Variants in ZNF385D observed in about 807,000 individuals in gnomAD.
ZNF385D encodes the protein zinc finger protein 385D, also known as zinc finger protein 659.
Under a neutral mutation model 35.8 loss-of-function variants are expected in ZNF385D, and 15 were observed. The ratio of observed to expected loss-of-function variants is 0.42; its 90% confidence interval spans 0.28 to 0.64. ZNF385D has a LOEUF of 0.64. Among genes scored for constraint, ZNF385D ranks in the 30% least tolerant of loss-of-function variants. The probability of loss-of-function intolerance (pLI) is 0.23; values close to 1 mark genes in which losing one functional copy is unlikely to be tolerated. For synonymous variants in ZNF385D, 212 were observed against 186.8 expected, an observed-to-expected ratio of 1.13 and a Z score of -1.10; for missense variants, 474 against 494.6, an observed-to-expected ratio of 0.96 and a Z score of 0.39.
intron 3 of ZNF385D, among the ~76,000 whole-genome samples, chr3:22,161,205 A>T (rs1055587613): frequency 1.3e-5 from 2 of 152,078 alleles, no homozygotes; most frequent in Admixed American, 1.3e-4. Context: ...TAATTAAAAA[A>T]TATATATCAT....
intron 3 of ZNF385D, among the ~76,000 whole-genome samples, chr3:21,819,621 T>G (rs984645784): frequency 6.3e-5 from 9 of 143,484 alleles, no homozygotes; most frequent in Admixed American, 1.5e-4. Context: ...TATATATGTA[T>G]GTATTATATA....
At chr3:21,475,861 G>A (rs998626532) in intron 4 of ZNF385D, among the ~76,000 whole-genome samples, 2 of 151,774 alleles carry the variant, frequency 1.3e-5, no homozygotes, top group Admixed American at 6.6e-5. Flanking sequence ...TTTTCTATTG[G>A]TATTTATGGT....
intron 1 of ZNF385D, among the ~76,000 whole-genome samples, chr3:21,740,979 A>G (rs964479776): frequency 5.3e-5 from 8 of 152,216 alleles, no homozygotes; most frequent in Non-Finnish European, 1.2e-4. Flanking sequence ...TTGTACAGCC[A>G]GGGTTTAGAT....
chr3:21,956,574 C>G (rs1163971701), intron 3 of ZNF385D, among the ~76,000 whole-genome samples: 1 of 151,810 alleles, frequency 6.6e-6, no homozygotes, highest in Non-Finnish European at 1.5e-5. Flanking sequence ...TCCTGGCCAA[C>G]AGAGTGACAT....
chr3:21,642,563 A>C (rs1389074025), intron 2 of ZNF385D, among the ~76,000 whole-genome samples: 1 of 152,144 alleles, frequency 6.6e-6, no homozygotes, highest in Non-Finnish European at 1.5e-5. Context: ...TTCAGTCAGC[A>C]ACATTCACTA....
intron 3 of ZNF385D, among the ~76,000 whole-genome samples, chr3:21,989,989 T>C (rs1695060088): frequency 6.6e-6 from 1 of 152,164 alleles, no homozygotes; most frequent in South Asian, 2.1e-4. Flanking sequence ...TTTCCACCTA[T>C]CTGTTTTATT....
At chr3:22,320,240 G>C (rs1694349877) in intron 2 of ZNF385D, among the ~76,000 whole-genome samples, 1 of 152,032 alleles carries the variant, frequency 6.6e-6, no homozygotes, top group Admixed American at 6.6e-5. Flanking sequence ...AGGTTTATCT[G>C]AGTTGCTCTG....
rs755494542 is a variant in ZNF385D at position 21,999,996 on chromosome 3, T to C, written c.325+168821A>G. 2.6e-5 allele frequency among the ~76,000 whole-genome samples: 4 copies of C among 152,010 alleles called. 1 individual carries two copies. Among genetic ancestry groups the C allele is most frequent in the Non-Finnish European group, 4.4e-5 (3 of 68,006 alleles). The stretch of plus-strand genomic sequence containing the variant: ...CACAAGAAGCTCAAAAATCCCCAAA[T>C]AGATTCAATCCAAAAAGGTTTTATC... On this transcript the variant is annotated intron_variant, in intron 3 of 5. Coordinates refer to the ZNF385D transcript ENST00000494108.
chr3:22,129,628 G>A (rs1559391679), intron 3 of ZNF385D, among the ~76,000 whole-genome samples: 2 of 152,226 alleles, frequency 1.3e-5, no homozygotes, highest in Non-Finnish European at 2.9e-5. Flanking sequence ...TGTGGTGACT[G>A]TAGCCTGGAT....
chr3:21,978,253 T>C lies in ZNF385D; in HGVS notation c.325+190564A>G, dbSNP rs552283285. On this transcript the variant is annotated intron_variant, in intron 3 of 5. Transcript: ENST00000494108. Reference sequence around the variant, plus strand: ...AGAGCAGTGTCTGTTTCTTACTTTGTTGCAAATGTACATTCACCAATCAGG... The same window carrying C: ...AGAGCAGTGTCTGTTTCTTACTTTGCTGCAAATGTACATTCACCAATCAGG... 2.6e-5 allele frequency: 4 copies of C among 152,344 alleles called. No homozygotes were observed. In the South Asian group the frequency reaches 8.3e-4, roughly 32 times the overall value. 9.4% of individuals were successfully genotyped at this position (152,344 alleles called of 1,614,324 possible). A position where few individuals can be genotyped will look rare whatever the true frequency, so the allele number is the denominator to read the frequency against.
chr3:21,820,808 G>A (rs1257970676), intron 3 of ZNF385D, among the ~76,000 whole-genome samples: 1 of 150,908 alleles, frequency 6.6e-6, no homozygotes, highest in African/African-American at 2.4e-5. Flanking sequence ...AGGACATTGT[G>A]TGTGTCAAGA....
At chr3:22,059,211 A>G (rs1213339613) in intron 3 of ZNF385D, among the ~76,000 whole-genome samples, 1 of 152,172 alleles carries the variant, frequency 6.6e-6, no homozygotes, top group African/African-American at 2.4e-5. Context: ...GCATTAATTT[A>G]AAGACTTCTC....
chr3:21,649,701 A>G (rs576527304), intron 2 of ZNF385D, among the ~76,000 whole-genome samples: 1 of 152,318 alleles, frequency 6.6e-6, no homozygotes, highest in South Asian at 2.1e-4. Context: ...TTTATCATAA[A>G]TGCAAGTCAG....
chr3:22,081,800 G>A (rs1271903677), intron 3 of ZNF385D, among the ~76,000 whole-genome samples: 1 of 152,094 alleles, frequency 6.6e-6, no homozygotes, highest in African/African-American at 2.4e-5. Context: ...TTTAAAAAAG[G>A]TTGCTTACCT....
At chr3:21,466,826 A>G (rs1703547912) in intron 4 of ZNF385D, among the ~76,000 whole-genome samples, 1 of 152,184 alleles carries the variant, frequency 6.6e-6, no homozygotes, top group African/African-American at 2.4e-5. Flanking sequence ...CTAAAGAAAA[A>G]TTCAGAGGAC....
At chr3:21,438,462 C>T (rs897189529) in intron 4 of ZNF385D, among the ~76,000 whole-genome samples, 12 of 150,160 alleles carry the variant, frequency 8.0e-5, no homozygotes, top group Admixed American at 2.0e-4. Flanking sequence ...TTCATTACTA[C>T]CAAGAGTTGA....
intron 2 of ZNF385D, among the ~76,000 whole-genome samples, chr3:21,601,657 A>C (rs912042430): frequency 1.3e-5 from 2 of 152,224 alleles, no homozygotes; most frequent in Non-Finnish European, 2.9e-5. Context: ...TTATTTAATA[A>C]ATGATCACCA....
intron 3 of ZNF385D, among the ~76,000 whole-genome samples, chr3:22,164,768 T>C (rs929988381): frequency 6.6e-6 from 1 of 152,120 alleles, no homozygotes; most frequent in African/African-American, 2.4e-5. Flanking sequence ...TAGGACCTCA[T>C]GTGGCTGTGT....
chr3:22,087,111 G>C (rs1171921503), intron 3 of ZNF385D, among the ~76,000 whole-genome samples: 1 of 152,270 alleles, frequency 6.6e-6, no homozygotes, highest in African/African-American at 2.4e-5. Context: ...ATCGGAGCAT[G>C]TTAATTAGAA....
Sources: gnomAD v4.1 joint callset for allele counts (sites outside exome capture counted in the v4.1 genomes callset) on GRCh38, gnomAD v4.1.1 for gene constraint, MANE v1.5 for transcripts, NCBI Gene and HGNC (gene_info 2026-07-23, HGNC 2026-07-21) for gene names.